DDX3X: variants seen among roughly 807,000 people sequenced by gnomAD.
DDX3X encodes the protein DEAD-box helicase 3 X-linked.
DDX3X carries 4 observed loss-of-function variants against 52.7 expected under a neutral mutation model. The ratio of observed to expected loss-of-function variants is 0.08; its 90% CI spans 0.04 to 0.17. The LOEUF (loss-of-function observed/expected upper bound fraction) is 0.17, where lower values mean the gene tolerates loss of function less well. Ranked by LOEUF, DDX3X falls within the 10% of genes least tolerant of loss-of-function variation. The probability of loss-of-function intolerance (pLI) is 1.00; values close to 1 mark genes in which losing one functional copy is unlikely to be tolerated. For missense variants in DDX3X, 222 were observed against 548.6 expected, an observed-to-expected ratio of 0.40 and a Z score of 5.95; for synonymous variants, 192 against 178.1, an observed-to-expected ratio of 1.08 and a Z score of -0.62.
chrX:41,333,921 G>A (rs1270398211), upstream of DDX3X: 1 of 211,020 alleles, frequency 4.7e-6, no homozygotes, highest in East Asian at 8.6e-5. Flanking sequence ...GAGAGCACGG[G>A]AAGTGTAGCT....
At chrX:41,347,152 T>C (rs2063936485) in intron 15 of DDX3X, 140 bp downstream of exon 15, 1 of 906,000 alleles carries the variant, frequency 1.1e-6, no homozygotes, top group East Asian at 3.1e-5. Flanking sequence ...GATTCTTTGG[T>C]AAGGGGTTGT....
rs1167270173 is a variant in DDX3X, at chrX:41,347,976, C to G, written c.*257C>G. The G allele has an allele frequency of 5.9e-6, 2 of 339,208 alleles. No individual in the cohort carries two copies. Among genetic ancestry groups the G allele is most frequent in the African/African-American group, 2.7e-5 (1 of 36,834 alleles). 28.0% of individuals were successfully genotyped at this position (339,208 alleles called of 1,213,427 possible). ...ACTCCCCTCCCGCCTACCCCCATCCCAAACTGCATTTATAATTTTGTGACT... is the reference window on the plus strand; with the variant it reads ...ACTCCCCTCCCGCCTACCCCCATCCGAAACTGCATTTATAATTTTGTGACT... On this transcript the variant is annotated 3_prime_UTR_variant, in exon 17 of 17. Coordinates refer to ENST00000644876, the MANE Select transcript of DDX3X (RefSeq NM_001356.5).
At position 41,349,118 on chromosome X, in the gene DDX3X, G is replaced by T. The variant is rs966648040; in HGVS notation, c.*1399G>T. On this transcript the variant is annotated 3_prime_UTR_variant, in exon 17 of 17. Coordinates refer to ENST00000644876, the MANE Select transcript of DDX3X (RefSeq NM_001356.5). The stretch of plus-strand genomic sequence containing the variant: ...TCTTTTTACAGTGGCATAGGAAGAC[G>T]GCAAAAATTTCCTAAAGTGCAATAG... The T allele has an allele frequency of 3.6e-5, 4 of 111,986 alleles. No individual in the cohort carries two copies. The highest frequency in any genetic ancestry group is 1.3e-4 in the African/African-American group (4 of 30,746). 9.2% of individuals were successfully genotyped at this position (111,986 alleles called of 1,213,427 possible). A position where few individuals can be genotyped will look rare whatever the true frequency, so the allele number is the denominator to read the frequency against.
At chrX:41,350,801 A>G (rs1372747942), downstream of DDX3X, 1 of 111,894 alleles carries the variant, frequency 8.9e-6, no homozygotes, top group African/African-American at 3.3e-5. Context: ...TACTGTACAC[A>G]CTGCTGCAAT....
Position 41,339,086 on chromosome X carries a change from A to G in DDX3X, c.151+3A>G. On this transcript the variant is annotated splice_donor_region_variant and intron_variant, in intron 3 of 16. Transcript: ENST00000644876. The stretch of plus-strand genomic sequence containing the variant: ...AAGGAACCGAGAAGCTACTAAAGGT[A>G]GGTCCTCACAAGTAACTTCGTAGGT... The G allele has an allele frequency of 9.3e-7, 1 of 1,077,400 alleles. No homozygotes were observed. The highest frequency in any genetic ancestry group is 1.2e-6 in the Non-Finnish European group (1 of 815,467). 88.8% of individuals were successfully genotyped at this position (1,077,400 alleles called of 1,213,427 possible). A position where few individuals can be genotyped will look rare whatever the true frequency, so the allele number is the denominator to read the frequency against.
chrX:41,333,581 G>C (rs894288176), upstream of DDX3X: 1 of 110,565 alleles, frequency 9.0e-6, no homozygotes, highest in Non-Finnish European at 1.9e-5. Context: ...TCTCAGTTTC[G>C]GGAATCTGCC....
intron 5 of DDX3X, among the ~76,000 whole-genome samples, chrX:41,363,875 C>G (rs1248930106): frequency 2.7e-5 from 3 of 111,677 alleles, no homozygotes; most frequent in East Asian, 5.6e-4. Flanking sequence ...CCACCCTGAC[C>G]GCTCTTCATT....
chrX:41,334,379 C>T, intron 1 of DDX3X, 82 bp downstream of exon 1: 1 of 1,157,841 alleles, frequency 8.6e-7, no homozygotes. Context: ...CAGCGCTAAC[C>T]GGCACCCTTA....
intron 5 of DDX3X, among the ~76,000 whole-genome samples, chrX:41,363,779 G>A (rs113922755): frequency 0.013 from 1,317 of 98,719 alleles, 17 homozygotes; most frequent in African/African-American, 0.044. Context: ...GCGAAACTCC[G>A]TCTCAAAACA....
At chrX:41,334,092 C>T (rs1054269309), upstream of DDX3X, 1 of 485,991 alleles carries the variant, frequency 2.1e-6, no homozygotes, top group Non-Finnish European at 3.6e-6. Flanking sequence ...AGGGAGGGCA[C>T]ACGTTGTACG....
intron 3 of DDX3X, chrX:41,340,715 TTATAC>T: frequency 3.4e-6 from 1 of 294,615 alleles, no homozygotes; most frequent in Non-Finnish European, 5.9e-6. Context: ...TTCTTGTACT[TTATAC>T]TATTGAAACT....
At chrX:41,335,187 T>G (rs2063747071) in intron 1 of DDX3X, 1 of 111,135 alleles carries the variant, frequency 9.0e-6, no homozygotes, top group Non-Finnish European at 1.9e-5. Context: ...CCTCCTTGCT[T>G]GCCCCAGATT....
rs769424260 is a variant in DDX3X, at chrX:41,337,093, C to G, written c.46-315C>G. On this transcript the variant is annotated intron_variant, in intron 1 of 16. Transcript: ENST00000644876. ...AGCTTTAGTTTGGTGATTAGGGAGC[C>G]TGTGCTATGGAACATGTTAGTGAAA... 3.6e-5 allele frequency among the ~76,000 whole-genome samples: 4 copies of G among 112,224 alleles called. No individual in the cohort carries two copies. The South Asian group carries it at 1.5e-3, about 42-fold the overall frequency.
chrX:41,346,653 G>GT lies in DDX3X; in HGVS notation c.1615+37dup, dbSNP rs1352865733. 7 of 1,094,941 alleles carry GT rather than the reference G, an allele frequency of 6.4e-6. No individual in the cohort carries two copies. In the Admixed American group the frequency reaches 9.4e-5, roughly 15 times the overall value. The allele number at this position is 1,094,941 out of a possible 1,213,427, so 90.2% of individuals were successfully genotyped here. On this transcript the variant is annotated intron_variant, in intron 14 of 16. Transcript: ENST00000644876. Reference sequence around the variant, plus strand: ...TATTTGATTACTTGATGGTTTCATTGTTTTTTGCTGTGATGTGTGCAGGAA... The same window carrying GT: ...TATTTGATTACTTGATGGTTTCATTGTTTTTTTGCTGTGATGTGTGCAGGAA...
chrX:41,354,361 T>TTTTTTTTTTTTA (rs2064000579), downstream of DDX3X, among the ~76,000 whole-genome samples: 2 of 103,327 alleles, frequency 1.9e-5, no homozygotes, highest in African/African-American at 7.1e-5. Context: ...TTTTTTTTTT[T>TTTTTTTTTTTTA]GAGACAGGGT....
intron 5 of DDX3X, among the ~76,000 whole-genome samples, chrX:41,356,137 C>CT (rs768758470): frequency 0.023 from 1,801 of 78,383 alleles, 62 homozygotes; most frequent in African/African-American, 0.068. Flanking sequence ...AATTTGTCAG[C>CT]TTTTTTTTTT....
At chrX:41,362,083 CTTTTTTTTTT>C (rs1176759189) in intron 5 of DDX3X, among the ~76,000 whole-genome samples, 1 of 72,733 alleles carries the variant, frequency 1.4e-5, no homozygotes, top group Admixed American at 1.9e-4. Context: ...AAATAATTAA[CTTTTTTTTTT>C]TTTTTTTTTT....
rs2063933502 is a variant in DDX3X at position 41,346,963 on chromosome X, A to G, written c.1720A>G (p.Met574Val). 6 of 1,211,281 alleles carry G rather than the reference A, an allele frequency of 5.0e-6. No homozygotes were observed. Among genetic ancestry groups the G allele is most frequent in the Non-Finnish European group, 5.6e-6 (5 of 895,214 alleles). ...AGAAGTGCCGTCTTGGTTAGAAAAC[A>G]TGGCTTATGAACACCACTACAAGGG... ...KQEVPSWLEN[M>V]AYEHHYKGSS... Residue 574 changes from methionine (M) to valine (V), a missense_variant, in exon 15 of 17, where the codon ATG becomes GTG. Physicochemically the swap from Met to Val is conservative, Grantham distance 21. Coordinates refer to ENST00000644876, the MANE Select transcript of DDX3X (RefSeq NM_001356.5).
At chrX:41,357,465 G>T (rs1330515384) in intron 5 of DDX3X, among the ~76,000 whole-genome samples, 1 of 111,080 alleles carries the variant, frequency 9.0e-6, no homozygotes, top group Non-Finnish European at 1.9e-5. Context: ...ACTATGTTGG[G>T]TCCAAAACTT....
Sources: gnomAD v4.1 joint callset for allele counts (sites outside exome capture counted in the v4.1 genomes callset) on GRCh38, gnomAD v4.1.1 for gene constraint, MANE v1.5 for transcripts, NCBI Gene and HGNC (gene_info 2026-07-23, HGNC 2026-07-21) for gene names.